CUEDC1: variants seen among roughly 807,000 people sequenced by gnomAD.
The protein encoded by CUEDC1 is CUE domain containing 1, also known as CUE domain-containing protein 1.
In CUEDC1, 30 loss-of-function variants were observed where a neutral mutation model predicts 43.7. The ratio of observed to expected loss-of-function variants is 0.69; its 90% CI spans 0.51 to 0.93. The LOEUF is 0.93. CUEDC1 is among the 40% of genes least tolerant of loss of function. The pLI is 0.00. For missense variants in CUEDC1, 486 were observed against 549.0 expected (o/e 0.89, Z 1.15); for synonymous variants, 223 against 223.6 (o/e 1.00, Z 0.02).
At chr17:57,924,185 A>AG (rs2074723888) in intron 1 of CUEDC1, among the ~76,000 whole-genome samples, 1 of 151,840 alleles carries the variant, frequency 6.6e-6, no homozygotes, top group Admixed American at 6.6e-5. Context: ...AGCTCACTGC[A>AG]ACCTCCGCCT....
intron 1 of CUEDC1, among the ~76,000 whole-genome samples, chr17:57,931,320 G>T (rs9901012): frequency 6.6e-6 from 1 of 151,904 alleles, no homozygotes; most frequent in Admixed American, 6.6e-5. Context: ...CAAAAAAAGA[G>T]GGAGAGGTAC....
chr17:57,868,608 C>A, intron 7 of CUEDC1: 1 of 361,662 alleles, frequency 2.8e-6, no homozygotes, highest in Non-Finnish European at 5.2e-6. Flanking sequence ...TAGCCACCTC[C>A]AAAGTTGGTT....
At chr17:57,866,438 G>T (rs2073958876) in intron 10 of CUEDC1, 36 bp downstream of exon 10, 2 of 1,603,416 alleles carry the variant, frequency 1.2e-6, no homozygotes, top group Non-Finnish European at 1.7e-6. Flanking sequence ...CCCTGGCCTT[G>T]GGCAGTCCCT....
chr17:57,936,845 G>A (rs2074866998), intron 1 of CUEDC1, among the ~76,000 whole-genome samples: 2 of 134,142 alleles, frequency 1.5e-5, no homozygotes, highest in Middle Eastern at 3.4e-3. Flanking sequence ...TTTTTGAAAC[G>A]GTGTCTCGCT....
At chr17:57,902,924 A>G (rs1394675942) in intron 1 of CUEDC1, 1 of 152,280 alleles carries the variant, frequency 6.6e-6, no homozygotes, top group Admixed American at 6.5e-5. Flanking sequence ...AGGAGTAACC[A>G]GGTCAGGATT....
chr17:57,893,679 A>C (rs1241954190), intron 1 of CUEDC1, among the ~76,000 whole-genome samples: 1 of 152,216 alleles, frequency 6.6e-6, no homozygotes, highest in Non-Finnish European at 1.5e-5. Flanking sequence ...CATTGGAGAA[A>C]AGAGGCCACT....
chr17:57,910,045 G>A (rs1180814459), intron 1 of CUEDC1, among the ~76,000 whole-genome samples: 1 of 152,192 alleles, frequency 6.6e-6, no homozygotes, highest in Non-Finnish European at 1.5e-5. Context: ...CTGGAGTGCA[G>A]TTGCAGGACC....
rs73314244 is a variant in CUEDC1 at position 57,898,546 on chromosome 17, C to T, written c.-315-12667G>A. Among the ~76,000 whole-genome samples, 20 of 152,238 alleles carry T rather than the reference C, an allele frequency of 1.3e-4. No homozygotes were observed. In the East Asian group the frequency reaches 3.3e-3, roughly 25 times the overall value. ...GGGATACATATACCTTCTCAGATGG[C>T]GCTCCTGCAGGGGATTGACTGTGGT... is the stretch of plus-strand genomic sequence containing the variant. On this transcript the variant is annotated intron_variant, in intron 1 of 10. Transcript: ENST00000577830.
At chr17:57,904,999 G>A (rs922304170) in intron 1 of CUEDC1, among the ~76,000 whole-genome samples, 1 of 152,146 alleles carries the variant, frequency 6.6e-6, no homozygotes, top group Non-Finnish European at 1.5e-5. Flanking sequence ...TGATTATACA[G>A]TTTACGGATT....
chr17:57,945,969 G>GT (rs1167049896), intron 1 of CUEDC1, among the ~76,000 whole-genome samples: 12 of 151,810 alleles, frequency 7.9e-5, no homozygotes, highest in Non-Finnish European at 1.6e-4. Flanking sequence ...GAGGCTGTGG[G>GT]TGACAGAGCA....
At position 57,868,251 on chromosome 17, in the gene CUEDC1, CAG is replaced by C. The variant is rs1175439817; in HGVS notation, c.941-10_941-9del. ...ACAGTTTCCTCCGGGTGGCTGGGGG[CAG>C]AGAGACCTGTGAGTCATTCTCTCAG... On this transcript the variant is annotated splice_polypyrimidine_tract_variant and intron_variant, in intron 7 of 10. Coordinates refer to ENST00000577830, the MANE Select transcript of CUEDC1 (RefSeq NM_001271875.2). The C allele has an allele frequency of 1.9e-6, 3 of 1,613,090 alleles. No individual in the cohort carries two copies. Among genetic ancestry groups the C allele is most frequent in the East Asian group, 2.2e-5 (1 of 44,904 alleles).
intron 1 of CUEDC1, among the ~76,000 whole-genome samples, chr17:57,919,836 T>G (rs2074681961): frequency 6.6e-6 from 1 of 152,174 alleles, no homozygotes; most frequent in Non-Finnish European, 1.5e-5. Flanking sequence ...AGGAGGACAT[T>G]AAATGAACAA....
At position 57,869,148 on chromosome 17, in the gene CUEDC1, C is replaced by T; in HGVS notation, c.914G>A (p.Arg305Lys). ...NPAVSEDALF[R>K]DKLKHMGKST... The stretch of plus-strand genomic sequence containing the variant: ...CTTTCCCATGTGTTTCAGCTTGTCC[C>T]TGAATAAGGCATCTTCAGACACAGC... Residue 305 changes from arginine (R) to lysine (K), a missense_variant, in exon 7 of 11, where the codon AGG becomes AAG. Transcript: ENST00000577830. 1.9e-6 allele frequency: 3 copies of T among 1,614,082 alleles called. No homozygotes were observed. The highest frequency in any genetic ancestry group is 8.5e-7 in the Non-Finnish European group (1 of 1,179,998).
chr17:57,952,295 C>T (rs182671164), intron 1 of CUEDC1, among the ~76,000 whole-genome samples: 24 of 151,762 alleles, frequency 1.6e-4, no homozygotes, highest in African/African-American at 2.4e-5. Flanking sequence ...GGCACAACTT[C>T]GGCTCACTGC....
chr17:57,871,438 G>T, intron 5 of CUEDC1, 69 bp from the exon 6 acceptor site: 1 of 1,336,164 alleles, frequency 7.5e-7, no homozygotes. Flanking sequence ...GCTGGGCTGG[G>T]ACACGGTAGT....
intron 1 of CUEDC1, among the ~76,000 whole-genome samples, chr17:57,906,054 A>G (rs1240368658): frequency 6.6e-6 from 1 of 152,274 alleles, no homozygotes; most frequent in Admixed American, 6.5e-5. Flanking sequence ...GTGGTTCCTC[A>G]AAGTTAAACA....
rs1455837346 is a variant in CUEDC1, at chr17:57,862,557, G to A, written c.*732C>T. 6.6e-6 allele frequency: 1 copy of A among 152,432 alleles called. No individual in the cohort carries two copies. The highest frequency in any genetic ancestry group is 2.4e-5 in the African/African-American group (1 of 41,454). 9.4% of individuals were successfully genotyped at this position (152,432 alleles called of 1,614,324 possible). A position where few individuals can be genotyped will look rare whatever the true frequency, so the allele number is the denominator to read the frequency against. ...GCCACCCTCCCCATCCCTGCTGGGT[G>A]ACCGGGAGCTGCTGGGAGTGAGCCC... On this transcript the variant is annotated 3_prime_UTR_variant, in exon 11 of 11. Coordinates refer to ENST00000577830, the MANE Select transcript of CUEDC1 (RefSeq NM_001271875.2).
At chr17:57,899,025 T>C (rs2074442501) in intron 1 of CUEDC1, among the ~76,000 whole-genome samples, 1 of 151,978 alleles carries the variant, frequency 6.6e-6, no homozygotes, top group African/African-American at 2.4e-5. Flanking sequence ...CTCTCAGAAA[T>C]GCCTTCTCTG....
At chr17:57,924,493 G>T (rs1031862480) in intron 1 of CUEDC1, among the ~76,000 whole-genome samples, 1 of 152,206 alleles carries the variant, frequency 6.6e-6, no homozygotes, top group Non-Finnish European at 1.5e-5. Context: ...AAAGGGAAAA[G>T]TGTGTAAATC....
Sources: gnomAD v4.1 joint callset for allele counts (sites outside exome capture counted in the v4.1 genomes callset) on GRCh38, gnomAD v4.1.1 for gene constraint, MANE v1.5 for transcripts, NCBI Gene and HGNC (gene_info 2026-07-23, HGNC 2026-07-21) for gene names.